Variants in ALDH1A1 observed in about 807,000 individuals in gnomAD.
The protein encoded by ALDH1A1 is aldehyde dehydrogenase 1 family member A1.
A neutral mutation model predicts 62.1 loss-of-function variants in ALDH1A1; 19 were observed. The observed-to-expected ratio is 0.31, with a 90% CI of 0.21 to 0.45. ALDH1A1 has a LOEUF of 0.45. Ranked by LOEUF, ALDH1A1 falls within the 20% of genes least tolerant of loss-of-function variation. The pLI is 1.00. For missense variants in ALDH1A1, 521 were observed against 607.1 expected, an observed-to-expected ratio of 0.86 and a Z score of 1.49; for synonymous variants, 231 against 215.9, an observed-to-expected ratio of 1.07 and a Z score of -0.61.
intron 12 of ALDH1A1, among the ~76,000 whole-genome samples, chr9:72,905,543 C>T (rs77722987): frequency 0.072 from 10,971 of 152,086 alleles, 535 homozygotes; most frequent in Middle Eastern, 0.13. Context: ...CATAAGTCAC[C>T]TAATTTACTT....
rs541940876 is a variant in ALDH1A1 at position 72,924,909 on chromosome 9, A to G, written c.633+575T>C. ...GTTTGCAAGTATATTAACACAATCT[A>G]GATAGCTGATGAAAATGTTTTACAT... is the stretch of plus-strand genomic sequence containing the variant. On this transcript the variant is annotated intron_variant, in intron 6 of 12. Transcript: ENST00000297785. 7.9e-5 allele frequency among the ~76,000 whole-genome samples: 12 copies of G among 152,358 alleles called. No individual in the cohort carries two copies. The South Asian group carries it at 1.9e-3, about 24-fold the overall frequency.
Position 72,924,057 on chromosome 9 carries a change from T to C in ALDH1A1, c.709A>G (p.Met237Val), listed in dbSNP as rs1830174862. 1 of 1,613,222 alleles carries C rather than the reference T, an allele frequency of 6.2e-7. No individual in the cohort carries two copies. Among genetic ancestry groups the C allele is most frequent in the South Asian group, 1.1e-5 (1 of 91,014 alleles). Residue 237 changes from methionine (M) to valine (V), a missense_variant, in exon 7 of 13, where the codon ATG becomes GTG. Physicochemically the swap from Met to Val is conservative, Grantham distance 21. Transcript: ENST00000297785. ...GTGAAGGCTACTTTGTCTATATCCA[T>C]GTGAGAAGAAATGGCTGCCCCTGCT... ...PTAGAAISSH[M>V]DIDKVAFTGS... is the part of the protein sequence containing the mutation.
chr9:72,920,209 T>A (rs1021009869), intron 7 of ALDH1A1, among the ~76,000 whole-genome samples: 1 of 152,210 alleles, frequency 6.6e-6, no homozygotes, highest in Admixed American at 6.5e-5. Flanking sequence ...AATTACAGAA[T>A]AGGGCATTAA....
At chr9:72,905,603 T>G (rs1265486954) in intron 12 of ALDH1A1, among the ~76,000 whole-genome samples, 1 of 152,180 alleles carries the variant, frequency 6.6e-6, no homozygotes, top group Non-Finnish European at 1.5e-5. Flanking sequence ...TGCACCTTTC[T>G]TGCAATCACC....
chr9:72,903,427 C>G (rs962343662), intron 12 of ALDH1A1, among the ~76,000 whole-genome samples: 3 of 151,982 alleles, frequency 2.0e-5, no homozygotes, highest in Admixed American at 1.3e-4. Flanking sequence ...CTCAACTGAT[C>G]AATTCTCTCT....
intron 11 of ALDH1A1, 110 bp from the exon 12 acceptor site, chr9:72,906,142 T>C (rs2118478275): frequency 4.1e-6 from 3 of 728,784 alleles, no homozygotes; most frequent in Non-Finnish European, 4.6e-6. Context: ...ATTAATTTCA[T>C]TATAACATAC....
chr9:72,940,283 G>A (rs1489789756), intron 1 of ALDH1A1, 31 bp from the exon 2 acceptor site: 2 of 1,548,676 alleles, frequency 1.3e-6, no homozygotes, highest in East Asian at 4.5e-5. Context: ...TACATACAAG[G>A]CGCTTAAATA....
In ALDH1A1 at chr9:72,905,941, T is replaced by C. The variant is rs3739960; in HGVS notation, c.1433+17A>G. The C allele has an allele frequency of 1.3e-6, 2 of 1,563,148 alleles. No individual in the cohort carries two copies. Among genetic ancestry groups the C allele is most frequent in the Middle Eastern group, 1.7e-4 (1 of 5,914 alleles). Reference sequence around the variant, plus strand: ...TCATAAAAATAAATATTTATCTTAATAGAACGTTAATCTTACAGTTCTCTT... The same window carrying C: ...TCATAAAAATAAATATTTATCTTAACAGAACGTTAATCTTACAGTTCTCTT... On this transcript the variant is annotated intron_variant, in intron 12 of 12. Coordinates refer to ENST00000297785, the MANE Select transcript of ALDH1A1 (RefSeq NM_000689.5).
rs1321123055 is a variant in ALDH1A1, at chr9:72,900,962, T to A, written c.*246A>T. 5.8e-6 allele frequency: 2 copies of A among 341,894 alleles called. No individual in the cohort carries two copies. The highest frequency in any genetic ancestry group is 4.1e-5 in the African/African-American group (2 of 48,346). 21.2% of individuals were successfully genotyped at this position (341,894 alleles called of 1,614,324 possible). ...CATAACTATGACAAAGCTAGAGAGA[T>A]CATACATCCGAATTTGTCTTTTTTT... On this transcript the variant is annotated 3_prime_UTR_variant, in exon 13 of 13. Coordinates refer to ENST00000297785, the MANE Select transcript of ALDH1A1 (RefSeq NM_000689.5).
chr9:72,917,066 A>G lies in ALDH1A1; in HGVS notation c.889T>C (p.Tyr297His). The change falls in exon 9 of 13, where the codon TAC becomes CAC. Residue 297 changes from tyrosine (Y) to histidine (H), a missense_variant. Transcript: ENST00000297785. Reference sequence around the variant, plus strand: ...GCTATACAACACTGGCCCTGGTGGTAGAATACCCCATGGTGTGCAAATTCA... The same window carrying G: ...GCTATACAACACTGGCCCTGGTGGTGGAATACCCCATGGTGTGCAAATTCA... ...AVEFAHHGVF[Y>H]HQGQCCIAAS... 1 of 1,611,802 alleles carries G rather than the reference A, an allele frequency of 6.2e-7. No individual in the cohort carries two copies. The highest frequency in any genetic ancestry group is 8.5e-7 in the Non-Finnish European group (1 of 1,178,728).
chr9:72,901,972 TA>T (rs952530666), intron 12 of ALDH1A1, among the ~76,000 whole-genome samples: 1 of 152,104 alleles, frequency 6.6e-6, no homozygotes, highest in Non-Finnish European at 1.5e-5. Flanking sequence ...TTAAAACTTT[TA>T]AATTGTTTTC....
intron 1 of ALDH1A1, among the ~76,000 whole-genome samples, chr9:72,949,666 T>C (rs1281064648): frequency 7.0e-6 from 1 of 143,248 alleles, no homozygotes; most frequent in Non-Finnish European, 1.6e-5. Flanking sequence ...TGTGTGTGCG[T>C]GTGTGTGTGT....
chr9:72,904,767 T>C (rs1420567887), intron 12 of ALDH1A1, among the ~76,000 whole-genome samples: 1 of 151,926 alleles, frequency 6.6e-6, no homozygotes, highest in Non-Finnish European at 1.5e-5. Context: ...TTTTCTTCAA[T>C]ACTTTGCTCG....
intron 1 of ALDH1A1, among the ~76,000 whole-genome samples, chr9:72,947,065 T>C (rs897654032): frequency 2.0e-5 from 3 of 152,004 alleles, no homozygotes; most frequent in African/African-American, 4.8e-5. Flanking sequence ...TTAGGACATG[T>C]GTTCTTTACT....
chr9:72,904,566 T>G (rs1032399541), intron 12 of ALDH1A1, among the ~76,000 whole-genome samples: 1 of 152,136 alleles, frequency 6.6e-6, no homozygotes, highest in African/African-American at 2.4e-5. Flanking sequence ...TAAACTGCCA[T>G]TAAGTTTTCA....
intron 12 of ALDH1A1, among the ~76,000 whole-genome samples, chr9:72,904,385 T>A (rs1829848696): frequency 6.6e-6 from 1 of 152,140 alleles, no homozygotes; most frequent in Admixed American, 6.6e-5. Flanking sequence ...TGAAATCATA[T>A]TTTTCATCCC....
chr9:72,949,176 C>T (rs920137119), intron 1 of ALDH1A1, among the ~76,000 whole-genome samples: 1 of 151,926 alleles, frequency 6.6e-6, no homozygotes, highest in African/African-American at 2.4e-5. Flanking sequence ...CATAGCCTCT[C>T]CTAGCCCAAA....
chr9:72,908,627 G>T (rs1829935059), intron 11 of ALDH1A1, among the ~76,000 whole-genome samples: 1 of 136,564 alleles, frequency 7.3e-6, no homozygotes, highest in Non-Finnish European at 1.6e-5. Flanking sequence ...AAGAAAGAAA[G>T]AGAATATTGC....
intron 3 of ALDH1A1, among the ~76,000 whole-genome samples, chr9:72,929,399 T>G (rs143019653): frequency 6.6e-6 from 1 of 152,350 alleles, no homozygotes; most frequent in African/African-American, 2.4e-5. Flanking sequence ...CAACTGTGGG[T>G]GACAACTTAG....
Sources: allele counts gnomAD v4.1 joint callset (sites outside exome capture counted in the v4.1 genomes callset), GRCh38; gene constraint gnomAD v4.1.1; transcripts MANE v1.5; gene names NCBI Gene and HGNC (gene_info 2026-07-23, HGNC 2026-07-21).